Variants in ENOX1 observed in about 807,000 individuals in gnomAD.
The protein encoded by ENOX1 is ecto-NOX disulfide-thiol exchanger 1, also known as candidate growth-related and time keeping constitutive hydroquinone (NADH) oxidase.
In ENOX1, 42 loss-of-function variants were observed where a neutral mutation model predicts 82.5. The ratio of observed to expected loss-of-function variants is 0.51; its 90% CI spans 0.40 to 0.66. ENOX1 has a LOEUF of 0.66. ENOX1 is among the 30% of genes least tolerant of loss of function. The pLI is 0.00. For synonymous variants in ENOX1, 271 were observed against 282.2 expected, an observed-to-expected ratio of 0.96 and a Z score of 0.40; for missense variants, 608 against 811.6, an observed-to-expected ratio of 0.75 and a Z score of 3.05.
At chr13:43,406,376 AG>A (rs1471829349) in intron 5 of ENOX1, among the ~76,000 whole-genome samples, 1 of 152,194 alleles carries the variant, frequency 6.6e-6, no homozygotes, top group African/African-American at 2.4e-5. Flanking sequence ...GTATGAGCCA[AG>A]GAACACTTAA....
intron 14 of ENOX1, among the ~76,000 whole-genome samples, chr13:43,237,820 C>G (rs960252352): frequency 2.0e-5 from 3 of 152,134 alleles, no homozygotes; most frequent in African/African-American, 4.8e-5. Flanking sequence ...GAAAAATAAA[C>G]CCAGCACATG....
At chr13:43,263,645 T>C (rs1329140203) in intron 14 of ENOX1, among the ~76,000 whole-genome samples, 1 of 152,246 alleles carries the variant, frequency 6.6e-6, no homozygotes, top group Non-Finnish European at 1.5e-5. Flanking sequence ...AGCTAGAACC[T>C]CACAATTACA....
At chr13:43,610,758 T>C (rs2082166766) in intron 2 of ENOX1, among the ~76,000 whole-genome samples, 1 of 152,160 alleles carries the variant, frequency 6.6e-6, no homozygotes, top group South Asian at 2.1e-4. Context: ...AGTTTTTTTT[T>C]TTTTTCAGTT....
chr13:43,728,259 T>C (rs1259381828), intron 1 of ENOX1, among the ~76,000 whole-genome samples: 1 of 152,156 alleles, frequency 6.6e-6, no homozygotes, highest in African/African-American at 2.4e-5. Flanking sequence ...AAAGAAAAAG[T>C]GAAAACCTCA....
At chr13:43,757,074 G>A (rs531412102) in intron 1 of ENOX1, among the ~76,000 whole-genome samples, 2 of 151,066 alleles carry the variant, frequency 1.3e-5, no homozygotes, top group South Asian at 2.1e-4. Context: ...CAAACTCCCA[G>A]CTGAATATTT....
At chr13:43,280,305 T>C (rs1233007653) in intron 12 of ENOX1, among the ~76,000 whole-genome samples, 1 of 152,238 alleles carries the variant, frequency 6.6e-6, no homozygotes, top group Non-Finnish European at 1.5e-5. Context: ...TATGGGTGAC[T>C]TGTAGCCAAA....
At chr13:43,475,130 T>A (rs2058226014) in intron 3 of ENOX1, among the ~76,000 whole-genome samples, 1 of 152,176 alleles carries the variant, frequency 6.6e-6, no homozygotes, top group Non-Finnish European at 1.5e-5. Context: ...CATCAGCAGA[T>A]CTATCATTAT....
intron 11 of ENOX1, among the ~76,000 whole-genome samples, chr13:43,311,363 GT>G (rs35451999): frequency 0.013 from 1,924 of 150,848 alleles, 29 homozygotes; most frequent in African/African-American, 0.042. Flanking sequence ...AGGTAATAGG[GT>G]TTTTTTTTTT....
chr13:43,557,399 C>G (rs1244381397), intron 2 of ENOX1, among the ~76,000 whole-genome samples: 2 of 152,138 alleles, frequency 1.3e-5, no homozygotes, highest in Non-Finnish European at 2.9e-5. Flanking sequence ...GAAAGGGGCA[C>G]TGGGAGGATG....
intron 2 of ENOX1, among the ~76,000 whole-genome samples, chr13:43,522,536 T>C (rs1237869413): frequency 6.6e-6 from 1 of 152,128 alleles, no homozygotes; most frequent in African/African-American, 2.4e-5. Flanking sequence ...GAGATAAGAT[T>C]GGAACCAAGG....
chr13:43,226,577 G>T (rs1401060485), intron 15 of ENOX1, among the ~76,000 whole-genome samples: 1 of 152,142 alleles, frequency 6.6e-6, no homozygotes, highest in African/African-American at 2.4e-5. Flanking sequence ...TCGTGTAGAG[G>T]GAATCCCCTG....
At chr13:43,633,355 AAT>A (rs1351222746) in intron 2 of ENOX1, among the ~76,000 whole-genome samples, 1 of 152,170 alleles carries the variant, frequency 6.6e-6, no homozygotes, top group East Asian at 1.9e-4. Flanking sequence ...CATAATGCAA[AAT>A]ATGAGTATCA....
chr13:43,612,366 T>C (rs2082234410), intron 2 of ENOX1, among the ~76,000 whole-genome samples: 1 of 152,162 alleles, frequency 6.6e-6, no homozygotes, highest in African/African-American at 2.4e-5. Flanking sequence ...GTCACTAGTT[T>C]GAGAGTATCA....
At chr13:43,261,370 G>T (rs2044047960) in intron 14 of ENOX1, among the ~76,000 whole-genome samples, 1 of 152,166 alleles carries the variant, frequency 6.6e-6, no homozygotes, top group South Asian at 2.1e-4. Flanking sequence ...AATTCCAGAA[G>T]TTTGAAGCTC....
At chr13:43,702,300 C>A (rs544661558) in intron 1 of ENOX1, among the ~76,000 whole-genome samples, 1 of 152,060 alleles carries the variant, frequency 6.6e-6, no homozygotes, top group African/African-American at 2.4e-5. Flanking sequence ...TCACAAGTTC[C>A]AAAACAAATT....
intron 14 of ENOX1, among the ~76,000 whole-genome samples, chr13:43,243,897 T>C (rs2042957393): frequency 6.6e-6 from 1 of 152,018 alleles, no homozygotes. Flanking sequence ...ACTTACATTT[T>C]ACACACAGCA....
intron 2 of ENOX1, among the ~76,000 whole-genome samples, chr13:43,666,091 C>A (rs1243959288): frequency 6.6e-6 from 1 of 151,824 alleles, no homozygotes; most frequent in South Asian, 2.1e-4. Context: ...AATGAACACA[C>A]CTTAATTTAG....
intron 1 of ENOX1, among the ~76,000 whole-genome samples, chr13:43,670,587 C>G (rs1158902330): frequency 2.0e-5 from 3 of 152,166 alleles, no homozygotes; most frequent in Non-Finnish European, 4.4e-5. Flanking sequence ...GGAGCGGTGG[C>G]TCATGCCTGT....
intron 1 of ENOX1, among the ~76,000 whole-genome samples, chr13:43,760,427 A>T (rs1950897697): frequency 6.6e-6 from 1 of 152,180 alleles, no homozygotes. Flanking sequence ...TGAGGGATGT[A>T]GAGGAACAGA....
Sources: allele counts gnomAD v4.1 joint callset (sites outside exome capture counted in the v4.1 genomes callset), GRCh38; gene constraint gnomAD v4.1.1; transcripts MANE v1.5; gene names NCBI Gene and HGNC (gene_info 2026-07-23, HGNC 2026-07-21).